Variants in IL20RA observed in about 807,000 individuals in gnomAD.
The protein encoded by IL20RA is interleukin 20 receptor subunit alpha, also known as interleukin-20 receptor subunit alpha.
In IL20RA, 29 loss-of-function variants were observed where a neutral mutation model predicts 36.5. That is an observed-to-expected ratio of 0.79 (90% confidence interval 0.59 to 1.08). The LOEUF (loss-of-function observed/expected upper bound fraction) is 1.08. Among genes scored for constraint, IL20RA ranks in the 50% least tolerant of loss-of-function variants. IL20RA has a pLI of 0.00. For synonymous variants in IL20RA, 279 were observed against 267.1 expected (o/e 1.04, Z -0.43); for missense variants, 652 against 668.4 (o/e 0.98, Z 0.27).
intron 3 of IL20RA, among the ~76,000 whole-genome samples, chr6:137,011,065 G>A (rs886591706): frequency 6.6e-6 from 1 of 152,018 alleles, no homozygotes; most frequent in Non-Finnish European, 1.5e-5. Context: ...ATGAGGCCCT[G>A]TCTCTACAGT....
chr6:137,028,862 A>AAT (rs1776180985), intron 1 of IL20RA, among the ~76,000 whole-genome samples: 1 of 151,306 alleles, frequency 6.6e-6, no homozygotes, highest in African/African-American at 2.4e-5. Flanking sequence ...ATGAAAAAAA[A>AAT]ATTCAATCTC....
chr6:137,020,500 A>C (rs554910037), intron 1 of IL20RA, among the ~76,000 whole-genome samples: 27 of 98,378 alleles, frequency 2.7e-4, no homozygotes, highest in African/African-American at 5.8e-4. Flanking sequence ...AAAAAAAAAA[A>C]AAACCCCTCC....
At chr6:137,036,958 C>A (rs1397172087) in intron 1 of IL20RA, among the ~76,000 whole-genome samples, 1 of 152,118 alleles carries the variant, frequency 6.6e-6, no homozygotes, top group Non-Finnish European at 1.5e-5. Flanking sequence ...GAAAACCCTG[C>A]AAAGTTGGTA....
chr6:137,028,730 G>A (rs899032601), intron 1 of IL20RA, among the ~76,000 whole-genome samples: 12 of 152,076 alleles, frequency 7.9e-5, no homozygotes, highest in African/African-American at 2.9e-4. Flanking sequence ...TAAAGAGAGT[G>A]TGTATCTTTA....
rs1776842553 is a variant in IL20RA at position 137,044,705 on chromosome 6, G to A, written c.24C>T (p.Ala8=). The change falls in exon 1 of 7, where the codon GCC becomes GCT. Residue 8 remains alanine (A), a synonymous_variant. Coordinates refer to ENST00000316649, the MANE Select transcript of IL20RA (RefSeq NM_014432.4). ...GCGGCGGCAGCGGCAGCGGCCGCAG[G>A]GCCGGGCGGCCGGGAGCCCGCATGG... MRAPGRP[A]LRPLPLPPLL... 2 of 1,221,060 alleles carry A rather than the reference G, an allele frequency of 1.6e-6. No homozygotes were observed. The highest frequency in any genetic ancestry group is 6.5e-5 in the East Asian group (2 of 30,608). 75.6% of individuals were successfully genotyped at this position (1,221,060 alleles called of 1,614,324 possible).
At chr6:137,011,127 G>A (rs1024947190) in intron 3 of IL20RA, 147 bp downstream of exon 3, 8 of 564,162 alleles carry the variant, frequency 1.4e-5, no homozygotes, top group Non-Finnish European at 2.5e-5. Context: ...CAAGGTTAAG[G>A]ACTTTGTCCT....
Position 137,001,830 on chromosome 6 carries a change from G to T in IL20RA, c.1390C>A (p.His464Asn). 6.2e-7 allele frequency: 1 copy of T among 1,613,554 alleles called. No individual in the cohort carries two copies. Among genetic ancestry groups the T allele is most frequent in the Non-Finnish European group, 8.5e-7 (1 of 1,179,698 alleles). The part of the protein sequence containing the change: ...LQDLDPLAQE[H>N]TDSEEGPEEE... ...TCCGGCCCCTCCTCCGAGTCTGTGT[G>T]CTCCTGCGCCAGGGGGTCTAAGTCT... Residue 464 changes from histidine (H) to asparagine (N), a missense_variant, in exon 7 of 7, where the codon CAC (histidine) becomes AAC (asparagine). His to Asn is a moderately conservative substitution (Grantham distance 68). Coordinates refer to ENST00000316649, the MANE Select transcript of IL20RA (RefSeq NM_014432.4).
chr6:137,033,702 A>G (rs1176620283), intron 1 of IL20RA, among the ~76,000 whole-genome samples: 1 of 152,346 alleles, frequency 6.6e-6, no homozygotes, highest in South Asian at 2.1e-4. Flanking sequence ...CTTCCAGTGT[A>G]GCCTGTAGAA....
chr6:137,016,392 A>C (rs531782669), intron 2 of IL20RA, among the ~76,000 whole-genome samples: 29 of 152,116 alleles, frequency 1.9e-4, no homozygotes, highest in Non-Finnish European at 3.7e-4. Flanking sequence ...AGGTGTAGGT[A>C]GGTTTGCCTT....
At chr6:137,029,268 G>A (rs986115743) in intron 1 of IL20RA, among the ~76,000 whole-genome samples, 1 of 152,196 alleles carries the variant, frequency 6.6e-6, no homozygotes, top group African/African-American at 2.4e-5. Context: ...AGCGCTTTGG[G>A]AGGCCAAGGT....
chr6:137,001,804 C>T lies in IL20RA; in HGVS notation c.1416G>A (p.Glu472=). 2 of 1,613,398 alleles carry T rather than the reference C, an allele frequency of 1.2e-6. No homozygotes were observed. Among genetic ancestry groups the T allele is most frequent in the Non-Finnish European group, 1.7e-6 (2 of 1,179,572 alleles). The part of the protein sequence containing the change: ...QEHTDSEEGP[E]EEPSTTLVDW... Reference sequence around the variant, plus strand: ...CGACCAGGGTCGTCGATGGCTCTTCCTCCGGCCCCTCCTCCGAGTCTGTGT... The same window carrying T: ...CGACCAGGGTCGTCGATGGCTCTTCTTCCGGCCCCTCCTCCGAGTCTGTGT... The change falls in exon 7 of 7, where the codon GAG becomes GAA. Residue 472 remains glutamate (E), a synonymous_variant. Transcript: ENST00000316649.
At chr6:137,013,452 G>A (rs1775565588) in intron 2 of IL20RA, among the ~76,000 whole-genome samples, 1 of 152,172 alleles carries the variant, frequency 6.6e-6, no homozygotes, top group African/African-American at 2.4e-5. Flanking sequence ...TGATTTACAA[G>A]CTTTATCTCA....
intron 1 of IL20RA, among the ~76,000 whole-genome samples, chr6:137,018,036 A>T (rs1236868542): frequency 6.6e-6 from 1 of 152,256 alleles, no homozygotes. Context: ...ATAACCAATC[A>T]GGTTTTATGA....
intron 2 of IL20RA, among the ~76,000 whole-genome samples, chr6:137,016,741 T>C (rs887093287): frequency 2.6e-5 from 4 of 152,180 alleles, no homozygotes; most frequent in African/African-American, 9.7e-5. Flanking sequence ...TTCTTTTCTC[T>C]GTCTAAATAA....
intron 6 of IL20RA, among the ~76,000 whole-genome samples, chr6:137,003,146 A>G (rs1454982495): frequency 1.3e-5 from 2 of 152,350 alleles, no homozygotes; most frequent in East Asian, 3.9e-4. Context: ...TTAAGTTTCA[A>G]AAAAATCACA....
At chr6:137,023,821 T>C (rs1017159596) in intron 1 of IL20RA, among the ~76,000 whole-genome samples, 1 of 152,174 alleles carries the variant, frequency 6.6e-6, no homozygotes, top group African/African-American at 2.4e-5. Flanking sequence ...AGCCCAGGTG[T>C]GTGGGCTCAC....
Position 137,001,440 on chromosome 6 carries a change from C to T in IL20RA, c.*118G>A. 3 of 863,934 alleles carry T rather than the reference C, an allele frequency of 3.5e-6. No homozygotes were observed. The highest frequency in any genetic ancestry group is 5.4e-6 in the Non-Finnish European group (3 of 552,238). The allele number at this position is 863,934 out of a possible 1,614,324, so 53.5% of individuals were successfully genotyped here. On this transcript the variant is annotated 3_prime_UTR_variant, in exon 7 of 7. Transcript: ENST00000316649. ...GAATAGAGAAAAGAAATAAGTAATT[C>T]TCACAGACACTGACAAACTGGAAAA...
chr6:137,043,500 G>A (rs534520071), intron 1 of IL20RA, among the ~76,000 whole-genome samples: 3 of 152,194 alleles, frequency 2.0e-5, no homozygotes, highest in East Asian at 3.9e-4. Flanking sequence ...CAGTCTACCC[G>A]GGAATATTAA....
intron 1 of IL20RA, among the ~76,000 whole-genome samples, chr6:137,026,396 A>C (rs996367230): frequency 1.3e-5 from 2 of 152,182 alleles, no homozygotes; most frequent in Non-Finnish European, 2.9e-5. Flanking sequence ...GAACTACCAA[A>C]TCTGTGTAGC....
Sources: gnomAD v4.1 joint callset for allele counts (sites outside exome capture counted in the v4.1 genomes callset) on GRCh38, gnomAD v4.1.1 for gene constraint, MANE v1.5 for transcripts, NCBI Gene and HGNC (gene_info 2026-07-23, HGNC 2026-07-21) for gene names.